BEST3: variants seen among roughly 807,000 people sequenced by gnomAD.
BEST3 encodes bestrophin-3.
In BEST3, 50 loss-of-function variants were observed where a neutral mutation model predicts 47.1. The observed-to-expected ratio is 1.06, with a 90% CI of 0.85 to 1.34. BEST3 has a LOEUF of 1.34. Ranked by LOEUF, BEST3 falls within the 40% of genes most tolerant of loss-of-function variation. BEST3 has a pLI of 0.00. For missense variants in BEST3, 765 were observed against 817.0 expected, an observed-to-expected ratio of 0.94 and a Z score of 0.78; for synonymous variants, 282 against 298.8, an observed-to-expected ratio of 0.94 and a Z score of 0.58.
chr12:69,647,394 A>T (rs1883072633), intron 9 of BEST3, among the ~76,000 whole-genome samples: 1 of 152,196 alleles, frequency 6.6e-6, no homozygotes, highest in Non-Finnish European at 1.5e-5. Flanking sequence ...GGGAAACGTC[A>T]CCACTCACAG....
intron 4 of BEST3, chr12:69,689,322 C>G (rs1885816568): frequency 1.0e-6 from 1 of 956,642 alleles, no homozygotes; most frequent in South Asian, 4.8e-5. Context: ...CTGCCGGTGA[C>G]AGCGGGTGCC....
chr12:69,678,527 C>T lies in BEST3; in HGVS notation c.636+212G>A, dbSNP rs181147706. Among the ~76,000 whole-genome samples, 171 of 152,268 alleles carry T rather than the reference C, an allele frequency of 1.1e-3. 1 individual carries two copies. The highest frequency in any genetic ancestry group is 1.2e-4 in the Non-Finnish European group (8 of 68,014). On this transcript the variant is annotated intron_variant, in intron 5 of 9. Transcript: ENST00000330891. Reference sequence around the variant, plus strand: ...ACAAAGCATGATTCTGTTTAAAACGCAGCTTCCAAGGAACCATTTCCAAGC... The same window carrying T: ...ACAAAGCATGATTCTGTTTAAAACGTAGCTTCCAAGGAACCATTTCCAAGC...
At chr12:69,655,896 C>T in intron 9 of BEST3, 83 bp from the exon 10 acceptor site, 1 of 1,495,798 alleles carries the variant, frequency 6.7e-7, no homozygotes, top group Non-Finnish European at 8.9e-7. Flanking sequence ...TAAGAGATGA[C>T]TTTGGTATTT....
intron 9 of BEST3, among the ~76,000 whole-genome samples, chr12:69,664,434 C>G (rs946963249): frequency 6.6e-6 from 1 of 152,256 alleles, no homozygotes; most frequent in African/African-American, 2.4e-5. Flanking sequence ...GACCTCCCCC[C>G]GCCACCCGGG....
chr12:69,688,260 G>A (rs974345942), intron 4 of BEST3, among the ~76,000 whole-genome samples: 5 of 152,136 alleles, frequency 3.3e-5, no homozygotes. Flanking sequence ...ACATCTCCCA[G>A]GGCAGGTGAT....
downstream of BEST3, among the ~76,000 whole-genome samples, chr12:69,650,764 G>A (rs1565817409): frequency 1.3e-5 from 2 of 152,284 alleles, no homozygotes; most frequent in African/African-American, 2.4e-5. Context: ...CACATAATGG[G>A]TTAGAGGAGG....
In BEST3 at chr12:69,678,810, C is replaced by A. The variant is rs1328413108; in HGVS notation, c.565G>T (p.Gly189Ter). 1 of 1,613,990 alleles carries A rather than the reference C, an allele frequency of 6.2e-7. No individual in the cohort carries two copies. The highest frequency in any genetic ancestry group is 2.2e-5 in the East Asian group (1 of 44,864). Residue 189 changes from glycine to a stop codon, truncating the protein, a stop_gained, in exon 5 of 10, where the codon GGA (glycine) becomes TGA (stop). Transcript: ENST00000330891. LOFTEE classifies it high-confidence loss of function. ...TTCCGGGCTTTAGTTGCAAGATTTC[C>A]AAACCAGATGAATGGAACCCAATAT... ...LKYWVPFIWF[G>*]NLATKARNEG...
At chr12:69,643,751 A>G (rs1279375924) in exon 10 of BEST3, 9 of 716,126 alleles carry the variant, frequency 1.3e-5, no homozygotes, top group Middle Eastern at 2.3e-4. Flanking sequence ...GGATTTTTAT[A>G]TCTTCCATCT....
At chr12:69,673,318 C>A (rs548833611) in intron 7 of BEST3, among the ~76,000 whole-genome samples, 113 of 152,294 alleles carry the variant, frequency 7.4e-4, no homozygotes, top group African/African-American at 2.5e-3. Context: ...ACAGGCTATG[C>A]TTTCAGGGAA....
chr12:69,650,611 C>G (rs1292520738), downstream of BEST3, among the ~76,000 whole-genome samples: 1 of 152,140 alleles, frequency 6.6e-6, no homozygotes, highest in Non-Finnish European at 1.5e-5. Context: ...TTAACTGATC[C>G]AGGACCAGGT....
intron 8 of BEST3, among the ~76,000 whole-genome samples, chr12:69,672,382 G>T (rs1392206417): frequency 6.6e-6 from 1 of 152,234 alleles, no homozygotes; most frequent in Non-Finnish European, 1.5e-5. Flanking sequence ...GTGCTTCAGG[G>T]TAAGTGCCCT....
At chr12:69,666,312 C>G (rs1884215140) in intron 9 of BEST3, among the ~76,000 whole-genome samples, 1 of 152,226 alleles carries the variant, frequency 6.6e-6, no homozygotes, top group Non-Finnish European at 1.5e-5. Flanking sequence ...GCCATCATGT[C>G]TGGCCCGGTT....
At chr12:69,668,270 A>C (rs571411674) in intron 9 of BEST3, among the ~76,000 whole-genome samples, 1 of 152,344 alleles carries the variant, frequency 6.6e-6, no homozygotes, top group Admixed American at 6.5e-5. Context: ...TTGATTTCTG[A>C]ATTAAATATG....
At chr12:69,691,111 A>G (rs1312425545) in intron 4 of BEST3, among the ~76,000 whole-genome samples, 1 of 152,236 alleles carries the variant, frequency 6.6e-6, no homozygotes, top group Non-Finnish European at 1.5e-5. Context: ...GGGATATTAT[A>G]TTAATAACAA....
rs1158167075 is a variant in BEST3, at chr12:69,655,340, G to C, written c.1574C>G (p.Ser525Cys). The part of the protein sequence containing the change: ...SGGYHHDSAT[S>C]ILSSEFTGVQ... ...CCCTGTAAACTCAGAGCTCAAGATGGAGGTAGCGGAATCATGGTGGTAGCC... is the reference window on the plus strand; with the variant it reads ...CCCTGTAAACTCAGAGCTCAAGATGCAGGTAGCGGAATCATGGTGGTAGCC... The change falls in exon 10 of 10, where the codon TCC becomes TGC. Residue 525 changes from serine to cysteine, a missense_variant. Transcript: ENST00000330891. 2 of 1,614,144 alleles carry C rather than the reference G, an allele frequency of 1.2e-6. No homozygotes were observed. The highest frequency in any genetic ancestry group is 1.7e-6 in the Non-Finnish European group (2 of 1,180,028).
intron 4 of BEST3, among the ~76,000 whole-genome samples, chr12:69,686,502 C>T (rs889190362): frequency 1.3e-5 from 2 of 151,976 alleles, no homozygotes; most frequent in Non-Finnish European, 2.9e-5. Context: ...TGGCTGGGCT[C>T]GGTGGCTCAC....
chr12:69,657,756 C>T (rs987904683), intron 9 of BEST3, among the ~76,000 whole-genome samples: 1 of 152,158 alleles, frequency 6.6e-6, no homozygotes, highest in Non-Finnish European at 1.5e-5. Context: ...AAAGAAACGT[C>T]GTTCCTCATG....
intron 9 of BEST3, among the ~76,000 whole-genome samples, chr12:69,658,544 C>T (rs145049292): frequency 5.3e-5 from 8 of 152,230 alleles, no homozygotes; most frequent in East Asian, 3.9e-4. Context: ...TTTATTCACC[C>T]GACTAAATTT....
chr12:69,662,250 T>C (rs1044100951), intron 9 of BEST3, among the ~76,000 whole-genome samples: 3 of 152,192 alleles, frequency 2.0e-5, no homozygotes, highest in Non-Finnish European at 4.4e-5. Flanking sequence ...GAATACACTT[T>C]TGTTGAAGTT....
Sources: gnomAD v4.1 joint callset for allele counts (sites outside exome capture counted in the v4.1 genomes callset) on GRCh38, gnomAD v4.1.1 for gene constraint, MANE v1.5 for transcripts, NCBI Gene and HGNC (gene_info 2026-07-23, HGNC 2026-07-21) for gene names.